The following SHANK1 variants were observed in gnomAD, a reference collection of about 807,000 sequenced individuals.
The protein encoded by SHANK1 is SH3 and multiple ankyrin repeat domains protein 1.
Under a neutral mutation model 165.6 loss-of-function variants are expected in SHANK1, and 35 were observed. That is an observed-to-expected ratio of 0.21 (90% confidence interval 0.16 to 0.28). SHANK1 has a LOEUF of 0.28. Among genes scored for constraint, SHANK1 ranks in the 10% least tolerant of loss-of-function variants. The pLI is 1.00. For missense variants in SHANK1, 2,681 were observed against 3,036.4 expected (o/e 0.88, Z 2.75); for synonymous variants, 1,428 against 1,384.8 (o/e 1.03, Z -0.69).
Position 50,703,696 on chromosome 19 carries a change from C to A in SHANK1, c.1357G>T (p.Ala453Ser). Residue 453 changes from alanine to serine, a missense_variant, in exon 11 of 24, where the codon GCC (alanine) becomes TCC (serine). Physicochemically the swap from Ala to Ser is moderately conservative, Grantham distance 99. Coordinates refer to ENST00000293441, the MANE Select transcript of SHANK1 (RefSeq NM_016148.5). The part of the protein sequence containing the change: ...MALPDWMVFS[A>S]PGAASSGAPG... ...GCCCCAGAGGACGCGGCCCCCGGGG[C>A]GGAGAACACCATCCAGTCGGGCAGC... The A allele has an allele frequency of 1.4e-6, 2 of 1,463,452 alleles. No homozygotes were observed. The highest frequency in any genetic ancestry group is 1.8e-6 in the Non-Finnish European group (2 of 1,110,086). 90.7% of individuals were successfully genotyped at this position (1,463,452 alleles called of 1,614,324 possible).
rs538794008 is a variant in SHANK1, at chr19:50,670,649, C to T, written c.2675-1364G>A. 1.5e-4 allele frequency among the ~76,000 whole-genome samples: 19 copies of T among 129,568 alleles called. No homozygotes were observed. In the South Asian group the frequency reaches 3.8e-3, roughly 26 times the overall value. The allele number at this position is 129,568 out of a possible 152,430, so 85.0% of individuals were successfully genotyped here. A position where few individuals can be genotyped will look rare whatever the true frequency, so the allele number is the denominator to read the frequency against. Reference sequence around the variant, plus strand: ...CCTCATGTCCAGTGCTCACTTGGCCCCTGCTACACAGGCCTCCTCCCTGTT... The same window carrying T: ...CCTCATGTCCAGTGCTCACTTGGCCTCTGCTACACAGGCCTCCTCCCTGTT... On this transcript the variant is annotated intron_variant, in intron 22 of 23. Coordinates refer to ENST00000293441, the MANE Select transcript of SHANK1 (RefSeq NM_016148.5). The surrounding 1 kb of genome is among the most constrained non-coding windows in gnomAD (Gnocchi z 4.1).
Position 50,668,504 on chromosome 19 carries a change from G to A in SHANK1, c.3456C>T (p.Ser1152=). The change falls in exon 23 of 24, where the codon TCC becomes TCT. Residue 1152 remains serine, a synonymous_variant. Coordinates refer to ENST00000293441, the MANE Select transcript of SHANK1 (RefSeq NM_016148.5). ...TGATGATGATGGTGGGGATGGGGATGGAGTTCTTCTCCGAGGGCGCGGCCA... is the reference window on the plus strand; with the variant it reads ...TGATGATGATGGTGGGGATGGGGATAGAGTTCTTCTCCGAGGGCGCGGCCA... The part of the protein sequence containing the change: ...PAVAAPSEKN[S]IPIPTIIIKA... 1 of 1,350,012 alleles carries A rather than the reference G, an allele frequency of 7.4e-7. No homozygotes were observed. 83.6% of individuals were successfully genotyped at this position (1,350,012 alleles called of 1,614,324 possible).
chr19:50,668,130 G>A lies in SHANK1; in HGVS notation c.3830C>T (p.Ala1277Val), dbSNP rs1985625873. 4.1e-6 allele frequency: 6 copies of A among 1,475,748 alleles called. No individual in the cohort carries two copies. Among genetic ancestry groups the A allele is most frequent in the South Asian group, 2.6e-5 (2 of 77,488 alleles). The allele number at this position is 1,475,748 out of a possible 1,614,324, so 91.4% of individuals were successfully genotyped here. Reference protein sequence around the residue: ...GGDGGLGTGAAPGPRLRHSKS... With the variant: ...GGDGGLGTGAVPGPRLRHSKS... ...GGAGTGGCGCAGCCGCGGGCCCGGGGCCGCCCCTGTGCCCAGCCCGCCGTC... is the reference window on the plus strand; with the variant it reads ...GGAGTGGCGCAGCCGCGGGCCCGGGACCGCCCCTGTGCCCAGCCCGCCGTC... The change falls in exon 23 of 24, where the codon GCC becomes GTC. Residue 1277 changes from alanine to valine, a missense_variant. By Grantham distance (64) the Ala-to-Val change is moderately conservative (BLOSUM62 0). Coordinates refer to ENST00000293441, the MANE Select transcript of SHANK1 (RefSeq NM_016148.5).
Position 50,668,414 on chromosome 19 carries a change from G to C in SHANK1, c.3546C>G (p.Pro1182=). Residue 1182 remains proline, a synonymous_variant, in exon 23 of 24, where the codon CCC becomes CCG. Coordinates refer to ENST00000293441, the MANE Select transcript of SHANK1 (RefSeq NM_016148.5). ...SQGSSTEAEP[P]TQPEPTGGGG... The stretch of plus-strand genomic sequence containing the variant: ...CGCCTCCCGTGGGCTCCGGCTGGGT[G>C]GGGGGCTCCGCCTCGGTGCTGCTGC... 13 of 1,324,732 alleles carry C rather than the reference G, an allele frequency of 9.8e-6. No homozygotes were observed. Among genetic ancestry groups the C allele is most frequent in the Non-Finnish European group, 1.3e-5 (13 of 1,035,630 alleles). The allele number at this position is 1,324,732 out of a possible 1,614,324, so 82.1% of individuals were successfully genotyped here.
intron 23 of SHANK1, among the ~76,000 whole-genome samples, chr19:50,665,976 A>C (rs139978242): frequency 6.6e-6 from 1 of 150,654 alleles, no homozygotes; most frequent in South Asian, 2.1e-4. Context: ...ACGCCATTGC[A>C]CTCCAGCCTG....
At chr19:50,695,734 C>T (rs1274201607) in intron 15 of SHANK1, among the ~76,000 whole-genome samples, 1 of 152,144 alleles carries the variant, frequency 6.6e-6, no homozygotes, top group Non-Finnish European at 1.5e-5. Context: ...CAACGCACCT[C>T]GACACAGTCG....
intron 12 of SHANK1, among the ~76,000 whole-genome samples, chr19:50,700,328 C>A (rs1400121232): frequency 1.4e-5 from 2 of 139,210 alleles, no homozygotes; most frequent in African/African-American, 2.7e-5. Flanking sequence ...GATTGAAGGG[C>A]TCGGGGCATT....
chr19:50,665,718 C>CA (rs1182170425), intron 23 of SHANK1, among the ~76,000 whole-genome samples: 1 of 102,974 alleles, frequency 9.7e-6, no homozygotes, highest in East Asian at 2.5e-4. Context: ...AGCCGGGTGA[C>CA]AGAGTGAGAC....
Position 50,711,616 on chromosome 19 carries a change from C to A in SHANK1, c.961-129G>T, listed in dbSNP as rs1046581995. On this transcript the variant is annotated intron_variant, in intron 7 of 23. Transcript: ENST00000293441. ...TTCACCGCATCCACCTCCCCATCAC[C>A]TTTTAGCCCCGCTTCCTGCTCTGGG... The A allele has an allele frequency of 7.0e-6, 5 of 715,388 alleles. No homozygotes were observed. In the East Asian group the frequency reaches 1.1e-4, roughly 16 times the overall value. 44.3% of individuals were successfully genotyped at this position (715,388 alleles called of 1,614,324 possible). A position where few individuals can be genotyped will look rare whatever the true frequency, so the allele number is the denominator to read the frequency against.
At position 50,668,213 on chromosome 19, in the gene SHANK1, C is replaced by T. The variant is rs767647548; in HGVS notation, c.3747G>A (p.Glu1249=). 1.3e-6 allele frequency: 2 copies of T among 1,497,760 alleles called. No homozygotes were observed. Among genetic ancestry groups the T allele is most frequent in the Non-Finnish European group, 8.8e-7 (1 of 1,136,726 alleles). The allele number at this position is 1,497,760 out of a possible 1,614,324, so 92.8% of individuals were successfully genotyped here. The stretch of plus-strand genomic sequence containing the variant: ...GGAACAGCGTGGAGCGCCGGCGCGC[C>T]TCATTCTGCCAGCCCCCCTCCCTCC... ...AARREGGWQN[E]ARRRSTLFLS... The change falls in exon 23 of 24, where the codon GAG becomes GAA. Residue 1249 remains glutamate, a synonymous_variant. Coordinates refer to ENST00000293441, the MANE Select transcript of SHANK1 (RefSeq NM_016148.5).
intron 15 of SHANK1, among the ~76,000 whole-genome samples, chr19:50,694,514 G>T (rs1599859888): frequency 7.0e-6 from 1 of 143,716 alleles, no homozygotes; most frequent in Non-Finnish European, 1.5e-5. Flanking sequence ...GCTAAGGGCG[G>T]CAGAAAGGCG....
In SHANK1 at chr19:50,666,638, C is replaced by T. The variant is rs555850968; in HGVS notation, c.5322G>A (p.Gly1774=). The T allele has an allele frequency of 9.4e-6, 15 of 1,595,424 alleles. No homozygotes were observed. The highest frequency in any genetic ancestry group is 3.5e-5 in the Admixed American group (2 of 57,778). The part of the protein sequence containing the change: ...ASGGLRPGPS[G]GLRDPVTPTS... ...TGGGGGTAACAGGGTCTCGGAGTCC[C>T]CCGCTGGGGCCAGGCCGCAGGCCTC... Residue 1774 remains glycine, a synonymous_variant, in exon 23 of 24, where the codon GGG becomes GGA. Coordinates refer to ENST00000293441, the MANE Select transcript of SHANK1 (RefSeq NM_016148.5).
At position 50,707,622 on chromosome 19, in the gene SHANK1, G is replaced by A. The variant is rs572455436; in HGVS notation, c.1078-3108C>T. On this transcript the variant is annotated intron_variant, in intron 8 of 23. Coordinates refer to ENST00000293441, the MANE Select transcript of SHANK1 (RefSeq NM_016148.5). Reference sequence around the variant, plus strand: ...TGTTGCCAGGCTGGAGTGCAGTGGCGTGATCTCGGCTCACTGCAGCCTCCA... The same window carrying A: ...TGTTGCCAGGCTGGAGTGCAGTGGCATGATCTCGGCTCACTGCAGCCTCCA... Among the ~76,000 whole-genome samples, 4 of 150,394 alleles carry A rather than the reference G, an allele frequency of 2.7e-5. No individual in the cohort carries two copies. The East Asian group carries it at 5.9e-4, about 22-fold the overall frequency.
At chr19:50,707,876 T>C (rs946396444) in intron 8 of SHANK1, among the ~76,000 whole-genome samples, 3 of 95,018 alleles carry the variant, frequency 3.2e-5, no homozygotes, top group Admixed American at 1.1e-4. Context: ...CTTTTGCGTG[T>C]TTTTCTTTTC....
rs1986359936 is a variant in SHANK1, at chr19:50,686,899, C to T, written c.2390-87G>A. 2.7e-6 allele frequency: 4 copies of T among 1,503,676 alleles called. No homozygotes were observed. The highest frequency in any genetic ancestry group is 2.4e-5 in the East Asian group (1 of 41,368). 93.1% of individuals were successfully genotyped at this position (1,503,676 alleles called of 1,614,324 possible). A position where few individuals can be genotyped will look rare whatever the true frequency, so the allele number is the denominator to read the frequency against. On this transcript the variant is annotated intron_variant, in intron 19 of 23. Transcript: ENST00000293441. This position sits in a 1 kb window ranked among gnomAD's most constrained non-coding sequence, Gnocchi z 5.7. ...GGCCTGTGGGCGTGGCCAGCAGGTG[C>T]GGGCCAGTGGGCGTGGCGGGCGCGA...
chr19:50,694,670 A>C, intron 15 of SHANK1, among the ~76,000 whole-genome samples: 3 of 92,528 alleles, frequency 3.2e-5, no homozygotes, highest in Non-Finnish European at 2.2e-5. Context: ...ATTAGGGGGG[A>C]GGGTCGGGGA....
intron 21 of SHANK1, among the ~76,000 whole-genome samples, chr19:50,678,064 G>A (rs55754539): frequency 0.34 from 52,167 of 152,014 alleles, 11,053 homozygotes; most frequent in Admixed American, 0.5. Context: ...GCTATTTTTC[G>A]TATGTGTCCT....
chr19:50,675,168 A>C (rs969325408), intron 21 of SHANK1, among the ~76,000 whole-genome samples: 4 of 151,470 alleles, frequency 2.6e-5, no homozygotes, highest in African/African-American at 9.7e-5. Context: ...GCAAGAGTTC[A>C]AGGCTTCATT....
chr19:50,661,026 G>A lies in SHANK1; in HGVS notation c.*939C>T, dbSNP rs1257545175. On this transcript the variant is annotated 3_prime_UTR_variant, in exon 24 of 24. Coordinates refer to ENST00000293441, the MANE Select transcript of SHANK1 (RefSeq NM_016148.5). ...GGGTTTTTAAGAATAAGAAGGGAAA[G>A]TGCTTCAACGTAAGAAAATGGAGGT... Among the ~76,000 whole-genome samples the A allele has an allele frequency of 1.3e-5, 2 of 152,042 alleles. No homozygotes were observed. The highest frequency in any genetic ancestry group is 2.9e-5 in the Non-Finnish European group (2 of 68,008).
Sources: allele counts gnomAD v4.1 joint callset (sites outside exome capture counted in the v4.1 genomes callset), GRCh38; gene constraint gnomAD v4.1.1; non-coding constraint Gnocchi (gnomAD v3.1); transcripts MANE v1.5; gene names NCBI Gene and HGNC (gene_info 2026-07-23, HGNC 2026-07-21).